The following ASPG variants were observed in gnomAD, a reference collection of about 807,000 sequenced individuals.
ASPG encodes 60 kDa lysophospholipase.
Under a neutral mutation model 63.2 loss-of-function variants are expected in ASPG, and 53 were observed. The ratio of observed to expected loss-of-function variants is 0.84; its 90% CI spans 0.67 to 1.05. ASPG has a LOEUF of 1.05. ASPG is among the 50% of genes least tolerant of loss of function. The pLI is 0.00. For synonymous variants in ASPG, 370 were observed against 355.0 expected (o/e 1.04, Z -0.48); for missense variants, 741 against 794.4 (o/e 0.93, Z 0.81).
chr14:104,104,705 G>T lies in ASPG; in HGVS notation c.1020G>T (p.Gln340His). 3.1e-6 allele frequency: 5 copies of T among 1,607,240 alleles called. No individual in the cohort carries two copies. Among genetic ancestry groups the T allele is most frequent in the Non-Finnish European group, 4.3e-6 (5 of 1,176,044 alleles). Residue 340 changes from glutamine to histidine, a missense_variant, in exon 9 of 16, where the codon CAG becomes CAT. Coordinates refer to ENST00000551177, the MANE Select transcript of ASPG (RefSeq NM_001080464.3). ...CCAAGCTATCGTATGTGCTGGGCCA[G>T]CCAGGGCTGAGCCTGGATGTCAGGA... ...ALAKLSYVLGQPGLSLDVRKE... is the reference protein window; with the variant it reads ...ALAKLSYVLGHPGLSLDVRKE...
intron 1 of ASPG, among the ~76,000 whole-genome samples, chr14:104,090,354 C>T (rs2036331625): frequency 6.6e-6 from 1 of 152,202 alleles, no homozygotes; most frequent in African/African-American, 2.4e-5. Flanking sequence ...CCAGATATGC[C>T]CCCTCCACCT....
At chr14:104,093,013 C>T (rs772292586) in intron 2 of ASPG, 1 of 530,150 alleles carries the variant, frequency 1.9e-6, no homozygotes. Context: ...ATGAGGGCGC[C>T]CCGTCTAGGG....
intron 1 of ASPG, among the ~76,000 whole-genome samples, chr14:104,090,491 GA>G (rs1469413554): frequency 6.6e-6 from 1 of 152,264 alleles, no homozygotes; most frequent in East Asian, 1.9e-4. Context: ...GCCGAGGCCT[GA>G]GAGGGGTTTC....
Position 104,089,216 on chromosome 14 carries a change from G to T in ASPG, c.82+3364G>T, listed in dbSNP as rs187994073. ...CTGGTGTTTATTTAAAATAACAAAA[G>T]AAATTGCCCCAGCTGACTGGGCGCG... On this transcript the variant is annotated intron_variant, in intron 1 of 15. Transcript: ENST00000551177. Among the ~76,000 whole-genome samples the T allele has an allele frequency of 2.5e-4, 38 of 152,178 alleles. No homozygotes were observed. The East Asian group carries it at 7.0e-3, about 28-fold the overall frequency.
intron 1 of ASPG, among the ~76,000 whole-genome samples, chr14:104,092,029 C>A (rs903300498): frequency 2.6e-4 from 40 of 152,124 alleles, no homozygotes; most frequent in African/African-American, 9.6e-4. Context: ...GTGTGCTAGG[C>A]CCTCCAGGTC....
chr14:104,105,560 A>G (rs977246900), intron 10 of ASPG, 110 bp downstream of exon 10: 3 of 1,401,240 alleles, frequency 2.1e-6, no homozygotes, highest in Admixed American at 2.7e-5. Context: ...ACTCGAGCCC[A>G]AACAGTTAGG....
rs1446461895 is a variant in ASPG at position 104,093,533 on chromosome 14, G to A, written c.234G>A (p.Glu78=). The change falls in exon 3 of 16, where the codon GAG becomes GAA. Residue 78 remains glutamate, a synonymous_variant. Transcript: ENST00000551177. ...RNQRILYTVL[E]CQPLFDSSDM... is the part of the protein sequence containing the mutation. The stretch of plus-strand genomic sequence containing the variant: ...AGAGGATTCTCTACACCGTGCTGGA[G>A]TGCCAGCCCCTCTTCGACTCCAGTG... 1.9e-6 allele frequency: 3 copies of A among 1,612,766 alleles called. No homozygotes were observed. Among genetic ancestry groups the A allele is most frequent in the African/African-American group, 1.3e-5 (1 of 74,996 alleles).
At chr14:104,107,043 G>C (rs2037161982) in intron 11 of ASPG, 139 bp from the exon 12 acceptor site, 2 of 1,332,824 alleles carry the variant, frequency 1.5e-6, no homozygotes, top group Admixed American at 5.1e-5. Context: ...CTGCCAGCTT[G>C]TCAGGTCTCA....
In ASPG at chr14:104,097,715, C is replaced by T. The variant is rs548738604; in HGVS notation, c.513+78C>T. 7.2e-5 allele frequency: 98 copies of T among 1,363,064 alleles called. No individual in the cohort carries two copies. The African/African-American group carries it at 1.3e-3, about 18-fold the overall frequency. 84.4% of individuals were successfully genotyped at this position (1,363,064 alleles called of 1,614,324 possible). On this transcript the variant is annotated intron_variant, in intron 5 of 15. Coordinates refer to ENST00000551177, the MANE Select transcript of ASPG (RefSeq NM_001080464.3). ...CAGACAGCAGCCAGGAAACAAAGTC[C>T]CCCCAGCCCCTCCCCAGACGCCACT...
chr14:104,098,833 CTG>C lies in ASPG; in HGVS notation c.514-18_514-17del. 1 of 1,611,720 alleles carries C rather than the reference CTG, an allele frequency of 6.2e-7. No individual in the cohort carries two copies. The highest frequency in any genetic ancestry group is 8.5e-7 in the Non-Finnish European group (1 of 1,179,172). On this transcript the variant is annotated intron_variant, in intron 5 of 15. Transcript: ENST00000551177. Reference sequence around the variant, plus strand: ...GACAGGGTGGCCGCTGCTCTGAACTCTGTCGCTCCGTTCCCGCAGGTCTGCCT... The same window carrying C: ...GACAGGGTGGCCGCTGCTCTGAACTCTCGCTCCGTTCCCGCAGGTCTGCCT...
rs956522466 is a variant in ASPG, at chr14:104,115,225, T to C, written c.*2681T>C. On this transcript the variant is annotated 3_prime_UTR_variant, in exon 16 of 16. Coordinates refer to ENST00000551177, the MANE Select transcript of ASPG (RefSeq NM_001080464.3). ...AGGTAACCAGATTTCTCGTGTATGC[T>C]AGGAAGTTCCCCTTCTGGTCACACC... 1 of 152,246 alleles carries C rather than the reference T, an allele frequency of 6.6e-6. No homozygotes were observed. The highest frequency in any genetic ancestry group is 2.4e-5 in the African/African-American group (1 of 41,446). 9.4% of individuals were successfully genotyped at this position (152,246 alleles called of 1,614,324 possible). A position where few individuals can be genotyped will look rare whatever the true frequency, so the allele number is the denominator to read the frequency against.
intron 7 of ASPG, 30 bp downstream of exon 7, chr14:104,103,705 GC>G: frequency 6.5e-7 from 1 of 1,530,632 alleles, no homozygotes. Context: ...TCCTGCCCCT[GC>G]AGCCCTGAGC....
intron 2 of ASPG, 92 bp from the exon 3 acceptor site, chr14:104,093,399 A>T: frequency 8.3e-7 from 1 of 1,200,558 alleles, no homozygotes; most frequent in Non-Finnish European, 1.2e-6. Flanking sequence ...CAGCTCTGCC[A>T]GAGGGGAACA....
At chr14:104,089,574 A>C (rs1441772205) in intron 1 of ASPG, among the ~76,000 whole-genome samples, 2 of 152,150 alleles carry the variant, frequency 1.3e-5, no homozygotes, top group Non-Finnish European at 2.9e-5. Flanking sequence ...CTGCTGACGT[A>C]CAACACATTG....
intron 15 of ASPG, 41 bp from the exon 16 acceptor site, chr14:104,112,483 C>A: frequency 8.7e-7 from 1 of 1,149,738 alleles, no homozygotes; most frequent in Non-Finnish European, 1.3e-6. Flanking sequence ...TGCCTTCGCA[C>A]TCTACCTGGG....
intron 12 of ASPG, among the ~76,000 whole-genome samples, chr14:104,107,558 G>A (rs1596107055): frequency 6.6e-6 from 1 of 152,308 alleles, no homozygotes; most frequent in Middle Eastern, 3.4e-3. Context: ...GGAGGACACG[G>A]TGCATCTCTG....
At chr14:104,105,701 CGCTGCCTTAGTGCGGG>C (rs1476767094) in intron 10 of ASPG, among the ~76,000 whole-genome samples, 1 of 152,196 alleles carries the variant, frequency 6.6e-6, no homozygotes, top group Non-Finnish European at 1.5e-5. Context: ...TGACTGGCGG[CGCTGCCTTAGTGCGGG>C]GCTGCCTCGG....
intron 6 of ASPG, among the ~76,000 whole-genome samples, chr14:104,102,064 G>C (rs1202456984): frequency 6.6e-6 from 1 of 152,118 alleles, no homozygotes; most frequent in Non-Finnish European, 1.5e-5. Flanking sequence ...GGTGGGTGTG[G>C]GCCCTCTTTG....
chr14:104,111,449 A>G, intron 13 of ASPG, 53 bp from the exon 14 acceptor site: 2 of 1,452,636 alleles, frequency 1.4e-6, no homozygotes, highest in Non-Finnish European at 1.9e-6. Context: ...ACGTGGGCAG[A>G]TGGACAGGTG....
Sources: gnomAD v4.1 joint callset for allele counts (sites outside exome capture counted in the v4.1 genomes callset) on GRCh38, gnomAD v4.1.1 for gene constraint, MANE v1.5 for transcripts, NCBI Gene and HGNC (gene_info 2026-07-23, HGNC 2026-07-21) for gene names.